AGBL5: variants seen among roughly 807,000 people sequenced by gnomAD.
The protein encoded by AGBL5 is cytosolic carboxypeptidase-like protein 5.
A neutral mutation model predicts 88.0 loss-of-function variants in AGBL5; 51 were observed. That is an observed-to-expected ratio of 0.58 (90% CI 0.46 to 0.73). The LOEUF (loss-of-function observed/expected upper bound fraction) is 0.73, where lower values mean the gene tolerates loss of function less well. AGBL5 is among the 30% of genes least tolerant of loss of function. The pLI, the probability that AGBL5 is intolerant of heterozygous loss-of-function variation, is 0.00. For missense variants in AGBL5, 1,031 were observed against 1,162.2 expected (o/e 0.89, Z 1.64); for synonymous variants, 446 against 438.8 (o/e 1.02, Z -0.21).
At chr2:27,056,161 G>C (rs186946982) in intron 7 of AGBL5, 23 bp downstream of exon 7, 1 of 1,600,550 alleles carries the variant, frequency 6.2e-7, no homozygotes, top group Non-Finnish European at 8.5e-7. Flanking sequence ...AGAATGTCAT[G>C]TGAGTGTGAG....
Position 27,069,668 on chromosome 2 carries a change from C to T in AGBL5, c.2451C>T (p.Ser817=). The T allele has an allele frequency of 6.2e-7, 1 of 1,614,122 alleles. No individual in the cohort carries two copies. The highest frequency in any genetic ancestry group is 2.2e-5 in the East Asian group (1 of 44,888). ...PTSPTPRTRE[S]SELELGSCSA... The stretch of plus-strand genomic sequence containing the variant: ...CCCCTACCCCCCGGACCAGGGAGAG[C>T]AGTGAGCTGGAGCTGGGATCCTGCT... Residue 817 remains serine, a synonymous_variant, in exon 14 of 15, where the codon AGC becomes AGT. Coordinates refer to ENST00000360131, the MANE Select transcript of AGBL5 (RefSeq NM_021831.6).
chr2:27,069,577 G>A lies in AGBL5; in HGVS notation c.2360G>A (p.Arg787Lys), dbSNP rs199568545. ...GCGCAAACCCTGTCCACACAGGCTA[G>A]GCCCAGGTTGGGCCGGGGCTCACCG... is the stretch of plus-strand genomic sequence containing the variant. Reference protein sequence around the residue: ...MPCIKTRLQARPRLGRGSPPT... With the variant: ...MPCIKTRLQAKPRLGRGSPPT... The change falls in exon 14 of 15, where the codon AGG becomes AAG. Residue 787 changes from arginine to lysine, a missense_variant. Transcript: ENST00000360131. The A allele has an allele frequency of 1.4e-5, 22 of 1,613,810 alleles. No individual in the cohort carries two copies. The Middle Eastern group carries it at 1.2e-3, about 84-fold the overall frequency.
intron 11 of AGBL5, among the ~76,000 whole-genome samples, chr2:27,063,767 A>G (rs1668837730): frequency 6.6e-6 from 1 of 152,152 alleles, no homozygotes; most frequent in South Asian, 2.1e-4. Context: ...CTGCTGCTGT[A>G]AACAGTGAGA....
chr2:27,053,394 G>T lies in AGBL5; in HGVS notation c.216-8G>T, dbSNP rs745437504. ...ACGTAATGACCTCTCTCTTACTCTG[G>T]TCCTCAGGTCATGGTTCTACTTCAG... On this transcript the variant is annotated splice_region_variant and splice_polypyrimidine_tract_variant and intron_variant, in intron 2 of 14. Transcript: ENST00000360131. The surrounding 1 kb of genome is among the most constrained non-coding windows in gnomAD (Gnocchi z 4.9). 5.0e-6 allele frequency: 8 copies of T among 1,613,624 alleles called. 1 individual carries two copies. The South Asian group carries it at 8.8e-5, about 18-fold the overall frequency.
At position 27,070,220 on chromosome 2, in the gene AGBL5, T is replaced by C; in HGVS notation, c.2618T>C (p.Phe873Ser). The change falls in exon 15 of 15, where the codon TTT becomes TCT. Residue 873 changes from phenylalanine to serine, a missense_variant. By Grantham distance (155) the Phe-to-Ser change is radical. Coordinates refer to ENST00000360131, the MANE Select transcript of AGBL5 (RefSeq NM_021831.6). ...RGPLGQPEVCFVPKSPPLTVS... is the reference protein window; with the variant it reads ...RGPLGQPEVCSVPKSPPLTVS... ...CCCTTGGGCCAACCTGAGGTTTGTTTTGTCCCTAAATCTCCCCCACTGACT... is the reference window on the plus strand; with the variant it reads ...CCCTTGGGCCAACCTGAGGTTTGTTCTGTCCCTAAATCTCCCCCACTGACT... 6.2e-7 allele frequency: 1 copy of C among 1,614,234 alleles called. No individual in the cohort carries two copies.
Position 27,070,071 on chromosome 2 carries a change from CCT to C in AGBL5, c.2490-14_2490-13del, listed in dbSNP as rs763612146. On this transcript the variant is annotated intron_variant, in intron 14 of 14. Transcript: ENST00000360131. ...GAGGAGAGTTTTCACAGCCCTGATTCCTCTCTCTTTTCTGTTGCAGGCTGCCT... is the reference window on the plus strand; with the variant it reads ...GAGGAGAGTTTTCACAGCCCTGATTCCTCTCTTTTCTGTTGCAGGCTGCCT... The C allele has an allele frequency of 6.2e-5, 100 of 1,603,750 alleles. 1 individual carries two copies. In the African/African-American group the frequency reaches 1.1e-3, roughly 18 times the overall value.
intron 11 of AGBL5, among the ~76,000 whole-genome samples, chr2:27,063,574 G>A (rs201149732): frequency 5.0e-5 from 7 of 140,552 alleles, no homozygotes; most frequent in South Asian, 2.3e-4. Flanking sequence ...CAACCTGGGC[G>A]ACAGAGCGAG....
intron 14 of AGBL5, 33 bp from the exon 15 acceptor site, chr2:27,070,059 A>G (rs1206640473): frequency 1.3e-6 from 2 of 1,592,908 alleles, no homozygotes; most frequent in Non-Finnish European, 1.7e-6. Context: ...GAGAGTTTTC[A>G]CAGCCCTGAT....
intron 6 of AGBL5, 177 bp from the exon 7 acceptor site, chr2:27,055,505 A>G (rs1220307408): frequency 7.5e-6 from 6 of 796,020 alleles, no homozygotes; most frequent in East Asian, 2.7e-5. Flanking sequence ...TTAGGGTTCT[A>G]TGGTAAGGGT....
chr2:27,051,435 T>G (rs1232016907), upstream of AGBL5: 1 of 152,242 alleles, frequency 6.6e-6, no homozygotes, highest in Non-Finnish European at 1.5e-5. Context: ...GAGTCCCAGT[T>G]TCTGCCGCTT....
At position 27,053,598 on chromosome 2, in the gene AGBL5, A is replaced by T; in HGVS notation, c.387+25A>T. 1.9e-6 allele frequency: 3 copies of T among 1,594,818 alleles called. No individual in the cohort carries two copies. The highest frequency in any genetic ancestry group is 2.6e-6 in the Non-Finnish European group (3 of 1,172,106). ...GGTAAGTTCTCCATGAGGAGGAAAG[A>T]AAGACTTGGGTGCTAAAAGTAGAGA... On this transcript the variant is annotated intron_variant, in intron 3 of 14. Coordinates refer to ENST00000360131, the MANE Select transcript of AGBL5 (RefSeq NM_021831.6). This position sits in a 1 kb window ranked among gnomAD's most constrained non-coding sequence, Gnocchi z 4.9.
In AGBL5 at chr2:27,054,953, T is replaced by G. The variant is rs1296004820; in HGVS notation, c.730-122T>G. Reference sequence around the variant, plus strand: ...CAAGGGTGATGGCCCCTGCTCCACTTGCAGATTCAGCCAGCTGGAAATCCA... The same window carrying G: ...CAAGGGTGATGGCCCCTGCTCCACTGGCAGATTCAGCCAGCTGGAAATCCA... On this transcript the variant is annotated intron_variant, in intron 5 of 14. Transcript: ENST00000360131. 4.7e-6 allele frequency: 7 copies of G among 1,485,808 alleles called. No individual in the cohort carries two copies. In the East Asian group the frequency reaches 1.4e-4, roughly 29 times the overall value. 92.0% of individuals were successfully genotyped at this position (1,485,808 alleles called of 1,614,324 possible).
At position 27,069,167 on chromosome 2, in the gene AGBL5, G is replaced by A. The variant is rs117238208; in HGVS notation, c.2356-406G>A. ...CGATTCAGTCCAGATCCCCATGCTA[G>A]GTAAAGCTGAGTATAGGCAGAGGCT... On this transcript the variant is annotated intron_variant, in intron 13 of 14. Coordinates refer to ENST00000360131, the MANE Select transcript of AGBL5 (RefSeq NM_021831.6). The A allele has an allele frequency of 1.8e-4, 240 of 1,342,916 alleles. 1 individual carries two copies. The East Asian group carries it at 8.0e-3, about 45-fold the overall frequency. 83.2% of individuals were successfully genotyped at this position (1,342,916 alleles called of 1,614,324 possible). A position where few individuals can be genotyped will look rare whatever the true frequency, so the allele number is the denominator to read the frequency against.
At chr2:27,050,490 C>A (rs894732423), upstream of AGBL5, among the ~76,000 whole-genome samples, 2 of 152,224 alleles carry the variant, frequency 1.3e-5, no homozygotes, top group African/African-American at 2.4e-5. Context: ...CTCCAGGAGG[C>A]GGCGGCGGGC....
chr2:27,054,481 C>G, intron 4 of AGBL5, 149 bp from the exon 5 acceptor site: 1 of 733,178 alleles, frequency 1.4e-6, no homozygotes, highest in Admixed American at 2.9e-5. Context: ...CCACTCAAAT[C>G]CTTAGCCTCA....
At chr2:27,061,827 T>C (rs559769897) in intron 11 of AGBL5, 1 of 151,992 alleles carries the variant, frequency 6.6e-6, no homozygotes, top group Non-Finnish European at 1.5e-5. Flanking sequence ...TTTTTTTTTT[T>C]ATTTGAGATA....
chr2:27,059,612 A>G (rs1160135755), intron 11 of AGBL5: 9 of 1,220,760 alleles, frequency 7.4e-6, no homozygotes, highest in Non-Finnish European at 1.0e-5. Flanking sequence ...CAGAGGGGGA[A>G]GTCTGGGTAT....
upstream of AGBL5, among the ~76,000 whole-genome samples, chr2:27,051,214 G>C (rs955136416): frequency 1.3e-5 from 2 of 152,198 alleles, no homozygotes; most frequent in East Asian, 1.9e-4. Context: ...AGCAGCAGGC[G>C]GGGGATTAGC....
In AGBL5 at chr2:27,070,120, C is replaced by G. The variant is rs547170518; in HGVS notation, c.2518C>G (p.Arg840Gly). 1.2e-6 allele frequency: 2 copies of G among 1,614,124 alleles called. No homozygotes were observed. The highest frequency in any genetic ancestry group is 1.1e-5 in the South Asian group (1 of 91,078). ...GCCTCAGGCCAGGCCCCCACGGCCC[C>G]GCTCTGCCCCTGCCTTTTCTCCTAT... ...GLPQARPPRP[R>G]SAPAFSPISC... The change falls in exon 15 of 15, where the codon CGC (arginine) becomes GGC (glycine). Residue 840 changes from arginine (R) to glycine (G), a missense_variant. By Grantham distance (125) the Arg-to-Gly change is moderately radical (BLOSUM62 -2). Around this residue, in one of 2 missense-constraint regions of AGBL5, gnomAD observed 491 missense variants for 484.0 expected, o/e 1.01. Coordinates refer to ENST00000360131, the MANE Select transcript of AGBL5 (RefSeq NM_021831.6).
Sources: allele counts gnomAD v4.1 joint callset (sites outside exome capture counted in the v4.1 genomes callset), GRCh38; gene constraint gnomAD v4.1.1; regional missense constraint gnomAD v4.1.1; non-coding constraint Gnocchi (gnomAD v3.1); transcripts MANE v1.5; gene names NCBI Gene and HGNC (gene_info 2026-07-23, HGNC 2026-07-21).